Variants in SYN3 observed in about 807,000 individuals in gnomAD.
The protein encoded by SYN3 is synapsin III, also known as synapsin-3.
Under a neutral mutation model 65.8 loss-of-function variants are expected in SYN3, and 35 were observed. The ratio of observed to expected loss-of-function variants is 0.53; its 90% confidence interval spans 0.41 to 0.70. SYN3 has a LOEUF of 0.70. Among genes scored for constraint, SYN3 ranks in the 30% least tolerant of loss-of-function variants. The probability of loss-of-function intolerance (pLI) is 0.00; values close to 1 mark genes in which losing one functional copy is unlikely to be tolerated. For synonymous variants in SYN3, 270 were observed against 292.9 expected (o/e 0.92, Z 0.80); for missense variants, 680 against 749.0 (o/e 0.91, Z 1.08).
intron 6 of SYN3, among the ~76,000 whole-genome samples, chr22:32,701,789 AAC>A (rs780413292): frequency 2.0e-5 from 3 of 152,210 alleles, no homozygotes; most frequent in Non-Finnish European, 2.9e-5. Context: ...AACAATAGCA[AAC>A]AGTCTGACAT....
At chr22:32,706,455 C>T (rs372631801) in intron 6 of SYN3, among the ~76,000 whole-genome samples, 52 of 152,064 alleles carry the variant, frequency 3.4e-4, no homozygotes, top group Admixed American at 8.5e-4. Context: ...GAATTCTGCA[C>T]GCAACAAAAA....
At chr22:32,575,026 T>C (rs2058831927) in intron 7 of SYN3, among the ~76,000 whole-genome samples, 1 of 152,244 alleles carries the variant, frequency 6.6e-6, no homozygotes, top group African/African-American at 2.4e-5. Context: ...AAAGGGATGC[T>C]GACCCTGGTA....
chr22:32,977,603 G>A (rs890685936), intron 3 of SYN3, among the ~76,000 whole-genome samples: 8 of 152,078 alleles, frequency 5.3e-5, no homozygotes, highest in Admixed American at 4.6e-4. Flanking sequence ...AATTATCTGG[G>A]TGTGGTGGCA....
intron 7 of SYN3, among the ~76,000 whole-genome samples, chr22:32,567,741 C>T (rs1385492651): frequency 1.3e-5 from 2 of 152,094 alleles, no homozygotes; most frequent in East Asian, 3.9e-4. Context: ...TCAGAGGCAG[C>T]ACGTGACCAG....
intron 6 of SYN3, among the ~76,000 whole-genome samples, chr22:32,770,724 G>A (rs1178310821): frequency 6.6e-6 from 1 of 152,014 alleles, no homozygotes; most frequent in Admixed American, 6.6e-5. Context: ...CTGAGTCAAG[G>A]CTCTTAACAG....
At chr22:33,019,638 T>C (rs192130602) in intron 1 of SYN3, among the ~76,000 whole-genome samples, 62 of 152,302 alleles carry the variant, frequency 4.1e-4, no homozygotes, top group African/African-American at 1.4e-3. Context: ...CAGTTGATTT[T>C]CTTGTTGTTG....
At chr22:32,672,951 G>A (rs1448265613) in intron 6 of SYN3, among the ~76,000 whole-genome samples, 1 of 152,216 alleles carries the variant, frequency 6.6e-6, no homozygotes, top group Admixed American at 6.5e-5. Context: ...AGAAGTGGCT[G>A]TTGTTTTACC....
chr22:32,754,905 C>T (rs548603705), intron 6 of SYN3, among the ~76,000 whole-genome samples: 2 of 152,344 alleles, frequency 1.3e-5, no homozygotes, highest in East Asian at 1.9e-4. Context: ...TCACTCTTCT[C>T]TCCATGGGCC....
At chr22:32,572,284 TCC>T (rs2058773433) in intron 7 of SYN3, among the ~76,000 whole-genome samples, 7 of 52,538 alleles carry the variant, frequency 1.3e-4, no homozygotes, top group East Asian at 9.2e-4. Context: ...CCTCCCTCCC[TCC>T]CTCCTTCCTT....
intron 6 of SYN3, among the ~76,000 whole-genome samples, chr22:32,651,468 T>A (rs2060069230): frequency 6.6e-6 from 1 of 152,126 alleles, no homozygotes; most frequent in Admixed American, 6.5e-5. Context: ...CTCTCCATGA[T>A]ATGCATGTTT....
At chr22:32,605,851 G>A (rs188579688) in intron 6 of SYN3, among the ~76,000 whole-genome samples, 1 of 152,220 alleles carries the variant, frequency 6.6e-6, no homozygotes, top group African/African-American at 2.4e-5. Flanking sequence ...GTAGAAGGAT[G>A]CCAGTTCACT....
intron 4 of SYN3, among the ~76,000 whole-genome samples, chr22:32,888,348 G>A (rs241895): frequency 0.23 from 34,170 of 151,840 alleles, 4,001 homozygotes; most frequent in South Asian, 0.41. Context: ...ATGTTCTCTT[G>A]GGGAAAAGTC....
At chr22:32,724,881 G>C (rs1221543055) in intron 6 of SYN3, among the ~76,000 whole-genome samples, 1 of 152,208 alleles carries the variant, frequency 6.6e-6, no homozygotes, top group Non-Finnish European at 1.5e-5. Context: ...AGCACTTTGG[G>C]AGGCTGAGGT....
intron 6 of SYN3, among the ~76,000 whole-genome samples, chr22:32,807,577 G>A (rs930091966): frequency 6.7e-6 from 1 of 149,612 alleles, no homozygotes; most frequent in East Asian, 2.0e-4. Context: ...TGAGGGAGGT[G>A]TGCTATTGTC....
intron 1 of SYN3, among the ~76,000 whole-genome samples, chr22:33,040,386 C>A (rs2053942183): frequency 6.6e-6 from 1 of 152,138 alleles, no homozygotes; most frequent in Non-Finnish European, 1.5e-5. Flanking sequence ...CTCTCTCAAT[C>A]CCTAGCTCAA....
intron 6 of SYN3, 54 bp downstream of exon 6, chr22:32,864,861 C>A: frequency 1.3e-6 from 2 of 1,504,674 alleles, no homozygotes; most frequent in South Asian, 2.3e-5. Flanking sequence ...GAGGACAAGT[C>A]ATCTGTATTC....
chr22:32,854,458 G>C (rs2048308491), intron 6 of SYN3, among the ~76,000 whole-genome samples: 1 of 152,178 alleles, frequency 6.6e-6, no homozygotes, highest in South Asian at 2.1e-4. Flanking sequence ...TGACGCAGAA[G>C]GAATGAGGTT....
intron 2 of SYN3, among the ~76,000 whole-genome samples, chr22:32,985,004 T>C (rs373633956): frequency 1.3e-5 from 2 of 152,130 alleles, no homozygotes; most frequent in Admixed American, 6.5e-5. Context: ...TAATCCTCTA[T>C]GCAACAAGGC....
chr22:32,978,050 G>T (rs1164213080), intron 3 of SYN3, among the ~76,000 whole-genome samples: 2 of 152,186 alleles, frequency 1.3e-5, no homozygotes, highest in African/African-American at 4.8e-5. Context: ...AGTCTTTGAG[G>T]AAAGGATTGT....
Sources: gnomAD v4.1 joint callset for allele counts (sites outside exome capture counted in the v4.1 genomes callset) on GRCh38, gnomAD v4.1.1 for gene constraint, MANE v1.5 for transcripts, NCBI Gene and HGNC (gene_info 2026-07-23, HGNC 2026-07-21) for gene names.